EIF3K: variants seen among roughly 807,000 people sequenced by gnomAD.
EIF3K encodes eIF-3 p28.
In EIF3K, 27 loss-of-function variants were observed where a neutral mutation model predicts 34.2. That is an observed-to-expected ratio of 0.79 (90% CI 0.58 to 1.09). EIF3K has a LOEUF of 1.09. EIF3K is among the 50% of genes least tolerant of loss of function. The pLI is 0.00. For missense variants in EIF3K, 232 were observed against 275.4 expected (o/e 0.84, Z 1.11); for synonymous variants, 105 against 105.7 (o/e 0.99, Z 0.04).
chr19:38,634,090 CTTTTTTTTTTTTTTT>C lies in EIF3K; in HGVS notation c.500-890_500-876del, dbSNP rs757394196. Among the ~76,000 whole-genome samples the C allele has an allele frequency of 3.5e-5, 3 of 86,036 alleles. No homozygotes were observed. In the East Asian group the frequency reaches 9.8e-4, roughly 28 times the overall value. 56.4% of individuals were successfully genotyped at this position (86,036 alleles called of 152,430 possible). ...CTGCATCCAGCCAAGTAAAAGCTAA[CTTTTTTTTTTTTTTT>C]TTTTTTTTTTTTGAGGTGGAGTCTG... is the stretch of plus-strand genomic sequence containing the variant. On this transcript the variant is annotated intron_variant, in intron 6 of 7. Coordinates refer to ENST00000248342, the MANE Select transcript of EIF3K (RefSeq NM_013234.4).
At chr19:38,635,303 G>C in intron 7 of EIF3K, 185 bp downstream of exon 7, 1 of 818,620 alleles carries the variant, frequency 1.2e-6, no homozygotes, top group South Asian at 1.7e-5. Flanking sequence ...GGGGAGCTGG[G>C]TGATCTTCCC....
At chr19:38,632,336 G>A in intron 4 of EIF3K, 94 bp from the exon 5 acceptor site, 3 of 1,226,608 alleles carry the variant, frequency 2.4e-6, no homozygotes, top group Non-Finnish European at 3.5e-6. Flanking sequence ...GACCAGCCTG[G>A]GCAACGTAGT....
intron 7 of EIF3K, 91 bp downstream of exon 7, chr19:38,635,209 C>G (rs1443236637): frequency 7.6e-6 from 12 of 1,568,880 alleles, no homozygotes; most frequent in Non-Finnish European, 1.0e-5. Flanking sequence ...CTGGGTAGAT[C>G]TGCTCGTGTT....
At chr19:38,634,530 G>A (rs1324983292) in intron 6 of EIF3K, among the ~76,000 whole-genome samples, 1 of 151,734 alleles carries the variant, frequency 6.6e-6, no homozygotes, top group Admixed American at 6.6e-5. Flanking sequence ...CCTGGGAGGT[G>A]GAGGTTGCAG....
At chr19:38,621,061 G>A (rs1409201867) in intron 2 of EIF3K, among the ~76,000 whole-genome samples, 3 of 152,006 alleles carry the variant, frequency 2.0e-5, no homozygotes, top group Admixed American at 6.6e-5. Context: ...AATTAATGTA[G>A]CGGTGTGTGG....
intron 4 of EIF3K, among the ~76,000 whole-genome samples, chr19:38,629,833 T>G (rs58441402): frequency 0.11 from 16,410 of 151,814 alleles, 1,931 homozygotes; most frequent in African/African-American, 0.29. Flanking sequence ...GGTGAGTGAG[T>G]AGCGAGTAGG....
At chr19:38,624,301 G>A in intron 3 of EIF3K, 104 bp downstream of exon 3, 1 of 1,536,088 alleles carries the variant, frequency 6.5e-7, no homozygotes, top group Non-Finnish European at 8.8e-7. Context: ...CAAACAACAA[G>A]TGCCTGCTCT....
rs181497375 is a variant in EIF3K, at chr19:38,620,443, T to C, written c.158+8T>C. ...CCTGGCTGTCCTGAAGCTGTAAGTG[T>C]CTAGCTCTCTGTCTACACTCCCATT... On this transcript the variant is annotated splice_region_variant and intron_variant, in intron 2 of 7. Coordinates refer to ENST00000248342, the MANE Select transcript of EIF3K (RefSeq NM_013234.4). 1.2e-3 allele frequency: 1,977 copies of C among 1,612,390 alleles called. 26 individuals are homozygous for C. The South Asian group carries it at 0.017, about 14-fold the overall frequency.
At chr19:38,627,605 C>T (rs1463105596) in intron 4 of EIF3K, among the ~76,000 whole-genome samples, 1 of 151,878 alleles carries the variant, frequency 6.6e-6, no homozygotes, top group Non-Finnish European at 1.5e-5. Flanking sequence ...TTCAACCTCA[C>T]CCAGAGGTTA....
intron 4 of EIF3K, among the ~76,000 whole-genome samples, chr19:38,628,008 A>G (rs1975984093): frequency 1.3e-5 from 2 of 151,306 alleles, no homozygotes. Flanking sequence ...GGGTTCAAGC[A>G]ATTTTCCTGT....
chr19:38,632,762 C>A, intron 6 of EIF3K, 84 bp downstream of exon 6: 1 of 1,286,066 alleles, frequency 7.8e-7, no homozygotes, highest in Non-Finnish European at 1.1e-6. Flanking sequence ...TCCAACAGGC[C>A]TGTCTGGGTC....
rs557066704 is a variant in EIF3K at position 38,626,958 on chromosome 19, G to A, written c.354+856G>A. On this transcript the variant is annotated intron_variant, in intron 4 of 7. Coordinates refer to ENST00000248342, the MANE Select transcript of EIF3K (RefSeq NM_013234.4). The stretch of plus-strand genomic sequence containing the variant: ...TAGTACTACAGGCACACGCCATCAT[G>A]CCCAACTAAATTTTATATGTATTTT... Among the ~76,000 whole-genome samples the A allele has an allele frequency of 4.6e-5, 7 of 152,150 alleles. No homozygotes were observed. The East Asian group carries it at 1.4e-3, about 29-fold the overall frequency.
chr19:38,626,146 T>C (rs1975946592), intron 4 of EIF3K, 44 bp downstream of exon 4: 2 of 1,582,020 alleles, frequency 1.3e-6, no homozygotes, highest in Non-Finnish European at 8.7e-7. Flanking sequence ...GGCAGGGCCA[T>C]GTGGAGCTGA....
chr19:38,624,096 T>G lies in EIF3K; in HGVS notation c.178T>G (p.Phe60Val). 1 of 1,614,138 alleles carries G rather than the reference T, an allele frequency of 6.2e-7. No individual in the cohort carries two copies. The highest frequency in any genetic ancestry group is 8.5e-7 in the Non-Finnish European group (1 of 1,180,020). Residue 60 changes from phenylalanine (F) to valine (V), a missense_variant, in exon 3 of 8, where the codon TTC becomes GTC. Transcript: ENST00000248342. ...VLKLYQFNPA[F>V]FQTTVTAQIL... is the part of the protein sequence containing the mutation. ...TCTTAGGTACCAGTTCAACCCAGCC[T>G]TCTTTCAGACCACGGTCACCGCCCA... is the stretch of plus-strand genomic sequence containing the variant.
Position 38,624,203 on chromosome 19 carries a change from C to G in EIF3K, c.279+6C>G, listed in dbSNP as rs769731569. ...GCATGATCGACCAGGCACATGTATC[C>G]TTCCAGCACTGGGGCCGGGGGGTGT... is the stretch of plus-strand genomic sequence containing the variant. On this transcript the variant is annotated splice_donor_region_variant and intron_variant, in intron 3 of 7. Transcript: ENST00000248342. 6 of 1,613,978 alleles carry G rather than the reference C, an allele frequency of 3.7e-6. No individual in the cohort carries two copies. The highest frequency in any genetic ancestry group is 3.3e-5 in the Admixed American group (2 of 59,994).
intron 3 of EIF3K, 71 bp from the exon 4 acceptor site, chr19:38,625,957 G>A: frequency 7.2e-7 from 1 of 1,393,080 alleles, no homozygotes; most frequent in Non-Finnish European, 1.0e-6. Flanking sequence ...AAGAAGGTAG[G>A]TGGGGAGGGG....
chr19:38,633,161 G>C (rs1403075690), intron 6 of EIF3K, among the ~76,000 whole-genome samples: 1 of 152,064 alleles, frequency 6.6e-6, no homozygotes, highest in Admixed American at 6.6e-5. Flanking sequence ...GGGTGTATGT[G>C]GCCAGAGCAG....
chr19:38,633,471 G>A (rs1976115360), intron 6 of EIF3K, among the ~76,000 whole-genome samples: 1 of 152,200 alleles, frequency 6.6e-6, no homozygotes, highest in African/African-American at 2.4e-5. Flanking sequence ...GCCGAGGTGG[G>A]CGGATCATCT....
At chr19:38,627,855 C>T (rs1975980828) in intron 4 of EIF3K, among the ~76,000 whole-genome samples, 1 of 151,814 alleles carries the variant, frequency 6.6e-6, no homozygotes, top group Non-Finnish European at 1.5e-5. Flanking sequence ...CCAATCATAC[C>T]CCAGGCCAGT....
Sources: allele counts gnomAD v4.1 joint callset (sites outside exome capture counted in the v4.1 genomes callset), GRCh38; gene constraint gnomAD v4.1.1; transcripts MANE v1.5; gene names NCBI Gene and HGNC (gene_info 2026-07-23, HGNC 2026-07-21).